The following NBAS variants were observed in gnomAD, a reference collection of about 807,000 sequenced individuals.
NBAS encodes the protein NAG/BC035112 fusion.
A neutral mutation model predicts 302.5 loss-of-function variants in NBAS; 219 were observed. The ratio of observed to expected loss-of-function variants is 0.72; its 90% CI spans 0.65 to 0.81. The LOEUF is 0.81. Ranked by LOEUF, NBAS falls within the 30% of genes least tolerant of loss-of-function variation. The pLI, the probability that NBAS is intolerant of heterozygous loss-of-function variation, is 0.00. For missense variants in NBAS, 2,932 were observed against 2,841.6 expected, an observed-to-expected ratio of 1.03 and a Z score of -0.72; for synonymous variants, 1,118 against 1,021.6, an observed-to-expected ratio of 1.09 and a Z score of -1.80.
At chr2:15,364,036 T>G (rs1049775753) in intron 32 of NBAS, among the ~76,000 whole-genome samples, 1 of 152,186 alleles carries the variant, frequency 6.6e-6, no homozygotes, top group African/African-American at 2.4e-5. Flanking sequence ...TGAGGCCTCT[T>G]ACCAATAGCC....
chr2:15,453,134 T>C (rs1040589584), intron 21 of NBAS, among the ~76,000 whole-genome samples: 2 of 151,974 alleles, frequency 1.3e-5, no homozygotes, highest in African/African-American at 2.4e-5. Flanking sequence ...CCAGTTAAAA[T>C]TGGGAATTGG....
intron 51 of NBAS, among the ~76,000 whole-genome samples, chr2:15,169,318 G>A (rs1040254479): frequency 7.9e-5 from 12 of 152,160 alleles, no homozygotes; most frequent in African/African-American, 4.8e-5. Context: ...AAAAGCCACC[G>A]GTTCAATGGA....
chr2:15,229,357 A>C (rs867176217), intron 47 of NBAS, among the ~76,000 whole-genome samples: 9,356 of 143,970 alleles, frequency 0.065, 254 homozygotes, highest in African/African-American at 0.073. Context: ...CAAAAAAAAA[A>C]AAAAAAAAAA....
the NBAS span, among the ~76,000 whole-genome samples, chr2:14,859,856 C>T: frequency 5.3e-5 from 8 of 152,048 alleles, no homozygotes; most frequent in African/African-American, 1.9e-4. Context: ...TAAAAAGCTT[C>T]TCCACAGCAA....
chr2:15,561,171 A>T lies in NBAS; in HGVS notation c.117+17T>A. On this transcript the variant is annotated intron_variant, in intron 1 of 51. Coordinates refer to ENST00000281513, the MANE Select transcript of NBAS (RefSeq NM_015909.4). The stretch of plus-strand genomic sequence containing the variant: ...CCCGCGCCAAGCTGGCTGCTGCTGT[A>T]GATGGGCCTGGTTCACCTGTACTTC... The T allele has an allele frequency of 6.2e-7, 1 of 1,609,360 alleles. No homozygotes were observed. The highest frequency in any genetic ancestry group is 1.1e-5 in the South Asian group (1 of 90,978).
the NBAS span, among the ~76,000 whole-genome samples, chr2:15,078,612 G>T: frequency 6.6e-6 from 1 of 152,178 alleles, no homozygotes; most frequent in Non-Finnish European, 1.5e-5. Context: ...CTGGGGAAAA[G>T]GACCCTATCT....
intron 9 of NBAS, among the ~76,000 whole-genome samples, chr2:15,524,375 A>G (rs559763353): frequency 1.3e-5 from 2 of 152,322 alleles, no homozygotes; most frequent in South Asian, 2.1e-4. Flanking sequence ...GATGTTCTTG[A>G]GTAAATGTGA....
At chr2:15,413,574 C>T (rs1021029631) in intron 25 of NBAS, among the ~76,000 whole-genome samples, 1 of 152,138 alleles carries the variant, frequency 6.6e-6, no homozygotes, top group African/African-American at 2.4e-5. Flanking sequence ...GTCTGTAACA[C>T]ACGGAGGGCC....
intron 21 of NBAS, among the ~76,000 whole-genome samples, chr2:15,434,468 A>G (rs564819249): frequency 6.6e-6 from 1 of 152,326 alleles, no homozygotes; most frequent in East Asian, 1.9e-4. Context: ...CCTCAAGTAT[A>G]ATTTCAATGG....
the NBAS span, among the ~76,000 whole-genome samples, chr2:14,940,034 C>T: frequency 6.6e-6 from 1 of 152,190 alleles, no homozygotes; most frequent in Non-Finnish European, 1.5e-5. Flanking sequence ...ATCTTACACA[C>T]CCCTAATACA....
chr2:15,147,980 T>A, the NBAS span, among the ~76,000 whole-genome samples: 4,425 of 152,210 alleles, frequency 0.029, 198 homozygotes, highest in African/African-American at 0.097. Flanking sequence ...AACCTCCTGG[T>A]GCCTTGCTCT....
At chr2:15,350,838 A>C (rs1346893959) in intron 35 of NBAS, among the ~76,000 whole-genome samples, 2 of 152,222 alleles carry the variant, frequency 1.3e-5, no homozygotes, top group Non-Finnish European at 2.9e-5. Flanking sequence ...TTAGGAAACC[A>C]ACAATAGCAA....
At chr2:15,195,499 T>C (rs1217175365) in intron 48 of NBAS, among the ~76,000 whole-genome samples, 2 of 152,152 alleles carry the variant, frequency 1.3e-5, no homozygotes, top group African/African-American at 2.4e-5. Context: ...CCTTGTGTTG[T>C]TGGAACTATT....
In NBAS at chr2:15,415,722, G is replaced by GA; in HGVS notation, c.2764-4dup. The GA allele has an allele frequency of 6.2e-7, 1 of 1,614,098 alleles. No homozygotes were observed. On this transcript the variant is annotated splice_polypyrimidine_tract_variant and splice_region_variant and intron_variant, in intron 24 of 51. Coordinates refer to ENST00000281513, the MANE Select transcript of NBAS (RefSeq NM_015909.4). Reference sequence around the variant, plus strand: ...GTCACATATTTATCCTCAGAACACTGAAAGTACAATCAAGCAAAACAGACA... The same window carrying GA: ...GTCACATATTTATCCTCAGAACACTGAAAAGTACAATCAAGCAAAACAGACA...
intron 21 of NBAS, among the ~76,000 whole-genome samples, chr2:15,431,391 G>A (rs1361827851): frequency 1.3e-5 from 2 of 152,038 alleles, no homozygotes; most frequent in African/African-American, 4.8e-5. Flanking sequence ...TAAAATCACC[G>A]TAAGTTCTTT....
intron 32 of NBAS, among the ~76,000 whole-genome samples, chr2:15,357,522 T>G (rs558754151): frequency 1.3e-5 from 2 of 152,156 alleles, no homozygotes; most frequent in Non-Finnish European, 2.9e-5. Flanking sequence ...GAGTCTCGCT[T>G]ACAATTTTTT....
At position 15,511,216 on chromosome 2, in the gene NBAS, G is replaced by C. The variant is rs752679737; in HGVS notation, c.881C>G (p.Thr294Ser). ...AGTGCCATAACTCATACTTACTGCA[G>C]TAACCCCGTCTCCACCATTAGTAAC... ...KQVTNGGDGV[T>S]AVPKTLGLLR... Residue 294 changes from threonine (T) to serine (S), a missense_variant, in exon 10 of 52, where the codon ACT (threonine) becomes AGT (serine). Physicochemically the swap from Thr to Ser is moderately conservative, Grantham distance 58 (BLOSUM62 1). Transcript: ENST00000281513. The C allele has an allele frequency of 5.0e-6, 8 of 1,614,060 alleles. No homozygotes were observed. In the East Asian group the frequency reaches 1.6e-4, roughly 31 times the overall value.
chr2:15,351,939 C>T lies in NBAS; in HGVS notation c.4179+53G>A, dbSNP rs572010808. 211 of 1,375,362 alleles carry T rather than the reference C, an allele frequency of 1.5e-4. No homozygotes were observed. The Middle Eastern group carries it at 1.8e-3, about 12-fold the overall frequency. 85.2% of individuals were successfully genotyped at this position (1,375,362 alleles called of 1,614,324 possible). On this transcript the variant is annotated intron_variant, in intron 35 of 51. Coordinates refer to ENST00000281513, the MANE Select transcript of NBAS (RefSeq NM_015909.4). ...TCATCCACAAGGTTAGGTAATCCCA[C>T]TTTATTCCACTCTCAGCCACCTTTC...
At chr2:15,083,716 G>A in the NBAS span, among the ~76,000 whole-genome samples, 2 of 152,204 alleles carry the variant, frequency 1.3e-5, no homozygotes, top group Non-Finnish European at 2.9e-5. Context: ...TCCAGAGGAG[G>A]AGAGGGATTC....
Sources: gnomAD v4.1 joint callset for allele counts (sites outside exome capture counted in the v4.1 genomes callset) on GRCh38, gnomAD v4.1.1 for gene constraint, MANE v1.5 for transcripts, NCBI Gene and HGNC (gene_info 2026-07-23, HGNC 2026-07-21) for gene names.